The following RILP variants were observed in gnomAD, a reference collection of about 807,000 sequenced individuals.
The protein encoded by RILP is rab-interacting lysosomal protein.
Under a neutral mutation model 40.0 loss-of-function variants are expected in RILP, and 53 were observed. The ratio of observed to expected loss-of-function variants is 1.32; its 90% CI spans 1.06 to 1.66. RILP has a LOEUF of 1.66. Among genes scored for constraint, RILP ranks in the 40% most tolerant of loss-of-function variants. The pLI is 0.00. For synonymous variants in RILP, 272 were observed against 250.6 expected (o/e 1.09, Z -0.80); for missense variants, 626 against 551.7 (o/e 1.13, Z -1.35).
chr17:1,646,470 A>T lies in RILP; in HGVS notation c.1178T>A (p.Leu393Gln), dbSNP rs1173332457. The T allele has an allele frequency of 6.3e-7, 1 of 1,599,112 alleles. No individual in the cohort carries two copies. The highest frequency in any genetic ancestry group is 2.2e-5 in the East Asian group (1 of 44,764). Reference sequence around the variant, plus strand: ...GGCCTCTGGGGCGGCTGAGGCCCCCAGACAAAGGTGTTCGTGGAGGGCAGA... The same window carrying T: ...GGCCTCTGGGGCGGCTGAGGCCCCCTGACAAAGGTGTTCGTGGAGGGCAGA... ...PCSALHEHLC[L>Q]GASAAPEA The change falls in exon 8 of 8, where the codon CTG becomes CAG. Residue 393 changes from leucine to glutamine, a missense_variant. By Grantham distance (113) the Leu-to-Gln change is moderately radical. Transcript: ENST00000301336. This position sits in a 1 kb window ranked among gnomAD's most constrained non-coding sequence, Gnocchi z 4.3.
Position 1,646,625 on chromosome 17 carries a change from G to A in RILP, c.1029-6C>T. ...CCCGATACCATAGGCCAAAGCTGGA[G>A]AGAGACAGCCAGAGGCACTTTGAGC... On this transcript the variant is annotated splice_region_variant and splice_polypyrimidine_tract_variant and intron_variant, in intron 7 of 7. Coordinates refer to ENST00000301336, the MANE Select transcript of RILP (RefSeq NM_031430.3). The surrounding 1 kb of genome is among the most constrained non-coding windows in gnomAD (Gnocchi z 4.3). The A allele has an allele frequency of 1.9e-6, 3 of 1,564,226 alleles. No individual in the cohort carries two copies. Among genetic ancestry groups the A allele is most frequent in the Non-Finnish European group, 2.6e-6 (3 of 1,154,192 alleles).
Position 1,646,887 on chromosome 17 carries a change from TC to T in RILP, c.1028+18del. 1 of 1,554,826 alleles carries T rather than the reference TC, an allele frequency of 6.4e-7. No homozygotes were observed. Among genetic ancestry groups the T allele is most frequent in the Admixed American group, 1.8e-5 (1 of 54,160 alleles). ...TCCTCCCTCCCCACACTCTTGCCTT[TC>T]CCCTTTCCCCAACATACAAACTCTG... On this transcript the variant is annotated intron_variant, in intron 7 of 7. Transcript: ENST00000301336. The surrounding 1 kb of genome is among the most constrained non-coding windows in gnomAD (Gnocchi z 4.3).
Position 1,649,549 on chromosome 17 carries a change from G to A in RILP, c.228+28C>T, listed in dbSNP as rs763548054. 6.6e-7 allele frequency: 1 copy of A among 1,516,186 alleles called. No homozygotes were observed. Among genetic ancestry groups the A allele is most frequent in the Admixed American group, 2.0e-5 (1 of 48,928 alleles). The allele number at this position is 1,516,186 out of a possible 1,614,324, so 93.9% of individuals were successfully genotyped here. ...CAGGCTTCGGCCCTGCCGGCCCCGTGGGTGGCGAAGGGAGGGCCATGACTC... is the reference window on the plus strand; with the variant it reads ...CAGGCTTCGGCCCTGCCGGCCCCGTAGGTGGCGAAGGGAGGGCCATGACTC... On this transcript the variant is annotated intron_variant, in intron 1 of 7. Transcript: ENST00000301336. This position sits in a 1 kb window ranked among gnomAD's most constrained non-coding sequence, Gnocchi z 4.3.
At position 1,648,841 on chromosome 17, in the gene RILP, C is replaced by A. The variant is rs1227080549; in HGVS notation, c.633G>T (p.Trp211Cys). The A allele has an allele frequency of 1.9e-6, 3 of 1,539,966 alleles. No individual in the cohort carries two copies. The highest frequency in any genetic ancestry group is 3.9e-5 in the Admixed American group (2 of 50,646). Residue 211 changes from tryptophan to cysteine, a missense_variant, in exon 4 of 8, where the codon TGG becomes TGT. Coordinates refer to ENST00000301336, the MANE Select transcript of RILP (RefSeq NM_031430.3). The surrounding 1 kb of genome is among the most constrained non-coding windows in gnomAD (Gnocchi z 4.9). The part of the protein sequence containing the change: ...PGHQHGQEPE[W>C]ATAGAGAPGN... Reference sequence around the variant, plus strand: ...CTGGGGCGCCTGCGCCGGCGGTCGCCCATTCGGGCTCCTGTCCGTGCTGGT... The same window carrying A: ...CTGGGGCGCCTGCGCCGGCGGTCGCACATTCGGGCTCCTGTCCGTGCTGGT...
Position 1,649,817 on chromosome 17 carries a change from C to T in RILP, c.-13G>A, listed in dbSNP as rs544050472. ...TCCTGGGCTCCATGTCTCCCAGAGGCTTAGGGCTGCGACCCCCCCACCCCA... is the reference window on the plus strand; with the variant it reads ...TCCTGGGCTCCATGTCTCCCAGAGGTTTAGGGCTGCGACCCCCCCACCCCA... On this transcript the variant is annotated 5_prime_UTR_variant, in exon 1 of 8. Coordinates refer to ENST00000301336, the MANE Select transcript of RILP (RefSeq NM_031430.3). The surrounding 1 kb of genome is among the most constrained non-coding windows in gnomAD (Gnocchi z 4.3). 2.0e-6 allele frequency: 3 copies of T among 1,518,878 alleles called. No individual in the cohort carries two copies. The highest frequency in any genetic ancestry group is 2.6e-6 in the Non-Finnish European group (3 of 1,136,492). 94.1% of individuals were successfully genotyped at this position (1,518,878 alleles called of 1,614,324 possible).
Position 1,649,060 on chromosome 17 carries a change from AGGGTGGGGT to A in RILP, c.430-25_430-17del. 1 of 30,092 alleles carries A rather than the reference AGGGTGGGGT, an allele frequency of 3.3e-5. No homozygotes were observed. Among genetic ancestry groups the A allele is most frequent in the Non-Finnish European group, 5.4e-5 (1 of 18,454 alleles). The allele number at this position is 30,092 out of a possible 1,614,324, so 1.9% of individuals were successfully genotyped here. A position where few individuals can be genotyped will look rare whatever the true frequency, so the allele number is the denominator to read the frequency against. On this transcript the variant is annotated splice_polypyrimidine_tract_variant and intron_variant, in intron 3 of 7. Coordinates refer to ENST00000301336, the MANE Select transcript of RILP (RefSeq NM_031430.3). This position sits in a 1 kb window ranked among gnomAD's most constrained non-coding sequence, Gnocchi z 4.3. ...GCTCCTGCAACTGGGAGCGGAGCAAAGGGTGGGGTGGGCGGGGCACCGAGGGCCCCCCGG... is the reference window on the plus strand; with the variant it reads ...GCTCCTGCAACTGGGAGCGGAGCAAAGGGCGGGGCACCGAGGGCCCCCCGG...
chr17:1,649,723 C>G lies in RILP; in HGVS notation c.82G>C (p.Val28Leu). ...CCCAGGGCCCCGGCTAGATGGTACA[C>G]AAGCTCCGCGGCCGATGCCGACCCC... The part of the protein sequence containing the change: ...AAGSASAAEL[V>L]YHLAGALGTE... The change falls in exon 1 of 8, where the codon GTG becomes CTG. Residue 28 changes from valine (V) to leucine (L), a missense_variant. Transcript: ENST00000301336. This position sits in a 1 kb window ranked among gnomAD's most constrained non-coding sequence, Gnocchi z 4.3. 1 of 1,592,266 alleles carries G rather than the reference C, an allele frequency of 6.3e-7. No homozygotes were observed. Among genetic ancestry groups the G allele is most frequent in the Middle Eastern group, 1.7e-4 (1 of 5,916 alleles).
At position 1,649,662 on chromosome 17, in the gene RILP, G is replaced by C. The variant is rs373790644; in HGVS notation, c.143C>G (p.Pro48Arg). The C allele has an allele frequency of 2.5e-6, 4 of 1,589,028 alleles. No homozygotes were observed. In the African/African-American group the frequency reaches 4.0e-5, roughly 16 times the overall value. Residue 48 changes from proline to arginine, a missense_variant, in exon 1 of 8, where the codon CCG (proline) becomes CGG (arginine). Transcript: ENST00000301336. This position sits in a 1 kb window ranked among gnomAD's most constrained non-coding sequence, Gnocchi z 4.3. ...CGGCACCAGCCCGGCCGCCGCCTCC[G>C]GCCCGAAACGGCGCGCCAGATCCTG... Reference protein sequence around the residue: ...ELQDLARRFGPEAAAGLVPLV... With the variant: ...ELQDLARRFGREAAAGLVPLV...
In RILP at chr17:1,649,676, C is replaced by T. The variant is rs367678615; in HGVS notation, c.129G>A (p.Ala43=). ...GALGTELQDL[A]RRFGPEAAAG... ...CCGCCGCCTCCGGCCCGAAACGGCG[C>T]GCCAGATCCTGCAGCTCAGTGCCCA... The change falls in exon 1 of 8, where the codon GCG becomes GCA. Residue 43 remains alanine (A), a synonymous_variant. Transcript: ENST00000301336. The surrounding 1 kb of genome is among the most constrained non-coding windows in gnomAD (Gnocchi z 4.3). 2.1e-4 allele frequency: 330 copies of T among 1,590,734 alleles called. No homozygotes were observed. The highest frequency in any genetic ancestry group is 2.6e-4 in the Non-Finnish European group (310 of 1,176,116).
rs1179805139 is a variant in RILP at position 1,647,818 on chromosome 17, T to C, written c.944+17A>G. The C allele has an allele frequency of 1.9e-6, 3 of 1,613,812 alleles. No individual in the cohort carries two copies. In the Admixed American group the frequency reaches 5.0e-5, roughly 27 times the overall value. The stretch of plus-strand genomic sequence containing the variant: ...GGAGGGAGGCCTGGCTCCGTGGGAA[T>C]GCAGGCAGGGACCTACCTGCTCTCT... On this transcript the variant is annotated intron_variant, in intron 6 of 7. Coordinates refer to ENST00000301336, the MANE Select transcript of RILP (RefSeq NM_031430.3).
Position 1,646,693 on chromosome 17 carries a change from T to C in RILP, c.1029-74A>G. ...CAAGGATATGGGTGAGGGCAGGGGA[T>C]GGTGAGAAAAGGGGAGAGGGGGAAG... On this transcript the variant is annotated intron_variant, in intron 7 of 7. Coordinates refer to ENST00000301336, the MANE Select transcript of RILP (RefSeq NM_031430.3). The surrounding 1 kb of genome is among the most constrained non-coding windows in gnomAD (Gnocchi z 4.3). 2 of 1,441,596 alleles carry C rather than the reference T, an allele frequency of 1.4e-6. No individual in the cohort carries two copies. The highest frequency in any genetic ancestry group is 2.2e-5 in the Admixed American group (1 of 45,294). 89.3% of individuals were successfully genotyped at this position (1,441,596 alleles called of 1,614,324 possible).
At position 1,648,805 on chromosome 17, in the gene RILP, C is replaced by T; in HGVS notation, c.669G>A (p.Glu223=). 6.6e-7 allele frequency: 1 copy of T among 1,517,324 alleles called. No homozygotes were observed. The highest frequency in any genetic ancestry group is 1.3e-5 in the South Asian group (1 of 79,158). 94.0% of individuals were successfully genotyped at this position (1,517,324 alleles called of 1,614,324 possible). A position where few individuals can be genotyped will look rare whatever the true frequency, so the allele number is the denominator to read the frequency against. The change falls in exon 4 of 8, where the codon GAG becomes GAA. Residue 223 remains glutamate (E), a synonymous_variant. Coordinates refer to ENST00000301336, the MANE Select transcript of RILP (RefSeq NM_031430.3). The surrounding 1 kb of genome is among the most constrained non-coding windows in gnomAD (Gnocchi z 4.9). ...GCCCTCATACGGCACTCACCGGGTC[C>T]TCAGGGTTCCCTGGGGCGCCTGCGC... ...TAGAGAPGNP[E]DPAEAAQQLG...
chr17:1,648,722 G>A lies in RILP; in HGVS notation c.675+77C>T. ...TCCTGGCCGACCTGCTGTGCAGCAT[G>A]CAAACCTTGCTTGAGTGCCCACCGA... On this transcript the variant is annotated intron_variant, in intron 4 of 7. Coordinates refer to ENST00000301336, the MANE Select transcript of RILP (RefSeq NM_031430.3). This position sits in a 1 kb window ranked among gnomAD's most constrained non-coding sequence, Gnocchi z 4.9. The A allele has an allele frequency of 7.0e-7, 1 of 1,436,776 alleles. No individual in the cohort carries two copies. Among genetic ancestry groups the A allele is most frequent in the Non-Finnish European group, 9.1e-7 (1 of 1,098,890 alleles). The allele number at this position is 1,436,776 out of a possible 1,614,324, so 89.0% of individuals were successfully genotyped here. A position where few individuals can be genotyped will look rare whatever the true frequency, so the allele number is the denominator to read the frequency against.
Position 1,649,264 on chromosome 17 carries a change from C to A in RILP, c.365G>T (p.Arg122Leu). The A allele has an allele frequency of 1.3e-6, 2 of 1,504,846 alleles. No homozygotes were observed. The highest frequency in any genetic ancestry group is 2.5e-5 in the South Asian group (2 of 81,312). The allele number at this position is 1,504,846 out of a possible 1,614,324, so 93.2% of individuals were successfully genotyped here. ...LLRQLKEVTD[R>L]QRDELRAHNR... ...GTGCGCCCGGAGTTCGTCCCGCTGT[C>A]GGTCCGTGACCTCCTTGAGCTGCCG... is the stretch of plus-strand genomic sequence containing the variant. Residue 122 changes from arginine (R) to leucine (L), a missense_variant, in exon 3 of 8, where the codon CGA becomes CTA. Coordinates refer to ENST00000301336, the MANE Select transcript of RILP (RefSeq NM_031430.3). The surrounding 1 kb of genome is among the most constrained non-coding windows in gnomAD (Gnocchi z 4.3).
At chr17:1,647,510 GAAT>G (rs1001590531) in intron 6 of RILP, among the ~76,000 whole-genome samples, 1 of 152,146 alleles carries the variant, frequency 6.6e-6, no homozygotes, top group African/African-American at 2.4e-5. Context: ...ACCCCCGTAA[GAAT>G]AAACAGACCC....
In RILP at chr17:1,646,450, C is replaced by A; in HGVS notation, c.1198G>T (p.Glu400Ter). 1 of 1,580,050 alleles carries A rather than the reference C, an allele frequency of 6.3e-7. No homozygotes were observed. The highest frequency in any genetic ancestry group is 8.6e-7 in the Non-Finnish European group (1 of 1,163,944). Residue 400 changes from glutamate to a stop codon, truncating the protein, a stop_gained, in exon 8 of 8, where the codon GAG becomes TAG. Transcript: ENST00000301336. LOFTEE classifies it high-confidence loss of function. This position sits in a 1 kb window ranked among gnomAD's most constrained non-coding sequence, Gnocchi z 4.3. ...ACAGCCAGACCCCTAAGTCAGGCCT[C>A]TGGGGCGGCTGAGGCCCCCAGACAA... ...HLCLGASAAP[E>*]A
Position 1,646,389 on chromosome 17 carries a change from G to A in RILP, c.*53C>T, listed in dbSNP as rs1910569367. The A allele has an allele frequency of 3.3e-6, 5 of 1,495,806 alleles. No homozygotes were observed. The South Asian group carries it at 6.7e-5, about 20-fold the overall frequency. The allele number at this position is 1,495,806 out of a possible 1,614,324, so 92.7% of individuals were successfully genotyped here. A position where few individuals can be genotyped will look rare whatever the true frequency, so the allele number is the denominator to read the frequency against. On this transcript the variant is annotated 3_prime_UTR_variant, in exon 8 of 8. Transcript: ENST00000301336. This position sits in a 1 kb window ranked among gnomAD's most constrained non-coding sequence, Gnocchi z 4.3. ...ACCCCTGGCGAGGGCTGTGAAGGCG[G>A]GAGCCCTGTCCTCATTTGAGGCCAC...
At position 1,649,545 on chromosome 17, in the gene RILP, C is replaced by A. The variant is rs752458495; in HGVS notation, c.228+32G>T. 2.0e-6 allele frequency: 3 copies of A among 1,513,142 alleles called. No individual in the cohort carries two copies. Among genetic ancestry groups the A allele is most frequent in the South Asian group, 2.5e-5 (2 of 81,118 alleles). 93.7% of individuals were successfully genotyped at this position (1,513,142 alleles called of 1,614,324 possible). A position where few individuals can be genotyped will look rare whatever the true frequency, so the allele number is the denominator to read the frequency against. ...GTCTCAGGCTTCGGCCCTGCCGGCCCCGTGGGTGGCGAAGGGAGGGCCATG... is the reference window on the plus strand; with the variant it reads ...GTCTCAGGCTTCGGCCCTGCCGGCCACGTGGGTGGCGAAGGGAGGGCCATG... On this transcript the variant is annotated intron_variant, in intron 1 of 7. Transcript: ENST00000301336. The surrounding 1 kb of genome is among the most constrained non-coding windows in gnomAD (Gnocchi z 4.3).
At position 1,649,342 on chromosome 17, in the gene RILP, G is replaced by C. The variant is rs1449915811; in HGVS notation, c.323-36C>G. On this transcript the variant is annotated intron_variant, in intron 2 of 7. Transcript: ENST00000301336. The surrounding 1 kb of genome is among the most constrained non-coding windows in gnomAD (Gnocchi z 4.3). ...GGCGTTCTTAGCGGCGGCGGCGCGC[G>C]GCCCGCGGGAGGGAGGGGAGGACCC... 25 of 1,486,586 alleles carry C rather than the reference G, an allele frequency of 1.7e-5. No individual in the cohort carries two copies. Among genetic ancestry groups the C allele is most frequent in the Non-Finnish European group, 2.2e-5 (25 of 1,124,534 alleles). 92.1% of individuals were successfully genotyped at this position (1,486,586 alleles called of 1,614,324 possible). A position where few individuals can be genotyped will look rare whatever the true frequency, so the allele number is the denominator to read the frequency against.
Sources: allele counts gnomAD v4.1 joint callset (sites outside exome capture counted in the v4.1 genomes callset), GRCh38; gene constraint gnomAD v4.1.1; non-coding constraint Gnocchi (gnomAD v3.1); transcripts MANE v1.5; gene names NCBI Gene and HGNC (gene_info 2026-07-23, HGNC 2026-07-21).